EFNA5: variants seen among roughly 807,000 people sequenced by gnomAD.
EFNA5 encodes ephrin-A5.
Under a neutral mutation model 22.9 loss-of-function variants are expected in EFNA5, and 5 were observed. The observed-to-expected ratio is 0.22, with a 90% CI of 0.11 to 0.46. EFNA5 has a LOEUF of 0.46. Among genes scored for constraint, EFNA5 ranks in the 20% least tolerant of loss-of-function variants. EFNA5 has a pLI of 0.99. For synonymous variants in EFNA5, 113 were observed against 112.2 expected (o/e 1.01, Z -0.04); for missense variants, 237 against 293.3 (o/e 0.81, Z 1.40).
At chr5:107,515,326 C>CGGG (rs1453759832) in intron 1 of EFNA5, among the ~76,000 whole-genome samples, 1 of 150,962 alleles carries the variant, frequency 6.6e-6, no homozygotes, top group East Asian at 2.0e-4. Flanking sequence ...TGTGAGCCCC[C>CGGG]ATGCCCAGCA....
At chr5:107,663,819 A>G (rs1751015494) in intron 1 of EFNA5, among the ~76,000 whole-genome samples, 2 of 152,184 alleles carry the variant, frequency 1.3e-5, no homozygotes. Context: ...ATTTTTAAAA[A>G]TCATTCAAAC....
intron 1 of EFNA5, among the ~76,000 whole-genome samples, chr5:107,645,048 G>T (rs1451857748): frequency 1.3e-5 from 2 of 152,124 alleles, no homozygotes; most frequent in African/African-American, 4.8e-5. Context: ...TGTAGGATGT[G>T]CAGGGTTTTT....
intron 2 of EFNA5, among the ~76,000 whole-genome samples, chr5:107,420,398 C>G (rs1748621382): frequency 6.6e-6 from 1 of 151,756 alleles, no homozygotes; most frequent in Non-Finnish European, 1.5e-5. Flanking sequence ...TTATTACACC[C>G]ATTTTACAGA....
At chr5:107,608,270 C>T (rs1446874490) in intron 1 of EFNA5, among the ~76,000 whole-genome samples, 2 of 152,124 alleles carry the variant, frequency 1.3e-5, no homozygotes, top group African/African-American at 4.8e-5. Context: ...CAAATGGCTC[C>T]GCCATTCTGT....
At chr5:107,564,541 C>G (rs1239052179) in intron 1 of EFNA5, among the ~76,000 whole-genome samples, 1 of 151,788 alleles carries the variant, frequency 6.6e-6, no homozygotes, top group Non-Finnish European at 1.5e-5. Context: ...TACAGGTACC[C>G]AACAAATGTT....
intron 1 of EFNA5, among the ~76,000 whole-genome samples, chr5:107,486,602 T>C (rs1746628967): frequency 6.6e-6 from 1 of 152,162 alleles, no homozygotes; most frequent in Non-Finnish European, 1.5e-5. Context: ...ACCTTAGAGT[T>C]AGGCAGAGTT....
At chr5:107,508,966 TTCC>T (rs1376564389) in intron 1 of EFNA5, among the ~76,000 whole-genome samples, 3 of 152,346 alleles carry the variant, frequency 2.0e-5, no homozygotes, top group Non-Finnish European at 4.4e-5. Flanking sequence ...CAGTTTATAG[TTCC>T]TCGATTAAAT....
At chr5:107,515,464 C>T (rs57889678) in intron 1 of EFNA5, among the ~76,000 whole-genome samples, 4,568 of 151,472 alleles carry the variant, frequency 0.03, 197 homozygotes, top group African/African-American at 0.1. Context: ...ATGCAACCTC[C>T]GCCTGCTGGG....
intron 1 of EFNA5, among the ~76,000 whole-genome samples, chr5:107,531,252 T>A (rs1747803827): frequency 6.6e-6 from 1 of 152,198 alleles, no homozygotes; most frequent in African/African-American, 2.4e-5. Context: ...TAGGTAGACT[T>A]AGCTACTTTA....
chr5:107,534,886 C>A (rs947959868), intron 1 of EFNA5, among the ~76,000 whole-genome samples: 1 of 152,154 alleles, frequency 6.6e-6, no homozygotes, highest in Non-Finnish European at 1.5e-5. Context: ...GAGCCTGATT[C>A]TATAAAGCCT....
At chr5:107,590,117 G>C (rs573906440) in intron 1 of EFNA5, among the ~76,000 whole-genome samples, 213 of 152,200 alleles carry the variant, frequency 1.4e-3, no homozygotes, top group Non-Finnish European at 2.6e-3. Context: ...TCGGTATAAA[G>C]AGTAGCATAG....
At chr5:107,389,785 C>T (rs1003764733) in intron 2 of EFNA5, among the ~76,000 whole-genome samples, 6 of 152,184 alleles carry the variant, frequency 3.9e-5, no homozygotes, top group African/African-American at 1.4e-4. Flanking sequence ...GTCTTAGCTA[C>T]TGGATGTGCT....
intron 1 of EFNA5, among the ~76,000 whole-genome samples, chr5:107,648,170 TCTCA>T (rs1750663540): frequency 6.6e-6 from 1 of 152,172 alleles, no homozygotes; most frequent in African/African-American, 2.4e-5. Context: ...TCACTTAGGT[TCTCA>T]CTGATTATTA....
chr5:107,494,530 T>G (rs1344353339), intron 1 of EFNA5, among the ~76,000 whole-genome samples: 1 of 152,148 alleles, frequency 6.6e-6, no homozygotes, highest in Non-Finnish European at 1.5e-5. Context: ...CCTCCCACCC[T>G]CTGCTCCATG....
At chr5:107,592,092 A>ATAAAG (rs546617501) in intron 1 of EFNA5, among the ~76,000 whole-genome samples, 1 of 96,624 alleles carries the variant, frequency 1.0e-5, no homozygotes, top group Non-Finnish European at 1.9e-5. Context: ...TTAATTTTTA[A>ATAAAG]TAAAAATATA....
At chr5:107,588,507 A>G (rs1271236640) in intron 1 of EFNA5, among the ~76,000 whole-genome samples, 2 of 152,188 alleles carry the variant, frequency 1.3e-5, no homozygotes, top group Non-Finnish European at 2.9e-5. Context: ...CTGTTCATAG[A>G]CCAGTTTATG....
At chr5:107,524,224 T>C (rs1395410386) in intron 1 of EFNA5, among the ~76,000 whole-genome samples, 1 of 152,218 alleles carries the variant, frequency 6.6e-6, no homozygotes, top group Middle Eastern at 3.2e-3. Context: ...CTCACCTATG[T>C]TCCTGGCAGG....
chr5:107,591,992 TATATATAATATATAATATATATA>T (rs1749367129), intron 1 of EFNA5, among the ~76,000 whole-genome samples: 1 of 42,210 alleles, frequency 2.4e-5, no homozygotes, highest in Non-Finnish European at 3.8e-5. Context: ...TAATATATAA[TATATATAATATATAATATATATA>T]ATATAATATA....
chr5:107,660,261 C>CATATATATATATAAATAT (rs1163908363), intron 1 of EFNA5, among the ~76,000 whole-genome samples: 5 of 52,452 alleles, frequency 9.5e-5, no homozygotes, highest in Non-Finnish European at 1.6e-4. Flanking sequence ...ATGGCAAAAA[C>CATATATATATATAAATAT]ATATATATAT....
Sources: allele counts gnomAD v4.1 joint callset (sites outside exome capture counted in the v4.1 genomes callset), GRCh38; gene constraint gnomAD v4.1.1; transcripts MANE v1.5; gene names NCBI Gene and HGNC (gene_info 2026-07-23, HGNC 2026-07-21).